SOX6: variants seen among roughly 807,000 people sequenced by gnomAD.
SOX6 encodes the protein transcription factor SOX-6.
A neutral mutation model predicts 97.8 loss-of-function variants in SOX6; 11 were observed. The ratio of observed to expected loss-of-function variants is 0.11; its 90% CI spans 0.07 to 0.19. SOX6 has a LOEUF of 0.19. Ranked by LOEUF, SOX6 falls within the 10% of genes least tolerant of loss-of-function variation. SOX6 has a pLI of 1.00. For synonymous variants in SOX6, 360 were observed against 371.4 expected (o/e 0.97, Z 0.35); for missense variants, 810 against 1,039.5 (o/e 0.78, Z 3.04).
chr11:16,564,168 A>G (rs974753927), intron 4 of SOX6, among the ~76,000 whole-genome samples: 1 of 152,240 alleles, frequency 6.6e-6, no homozygotes, highest in East Asian at 1.9e-4. Flanking sequence ...AGGAAGGAAG[A>G]AAGAATAAGA....
intron 3 of SOX6, among the ~76,000 whole-genome samples, chr11:16,660,711 T>C (rs756460927): frequency 1.3e-5 from 2 of 152,186 alleles, no homozygotes; most frequent in Non-Finnish European, 2.9e-5. Flanking sequence ...AGAGCTCTTA[T>C]AGATGGGATT....
At chr11:16,503,322 T>C (rs1860737375) in intron 4 of SOX6, among the ~76,000 whole-genome samples, 1 of 147,694 alleles carries the variant, frequency 6.8e-6, no homozygotes, top group South Asian at 2.1e-4. Context: ...AGAATTCAAA[T>C]GTTACCACTA....
At chr11:16,443,570 A>ATT (rs894719472) in intron 1 of SOX6, among the ~76,000 whole-genome samples, 7 of 152,140 alleles carry the variant, frequency 4.6e-5, no homozygotes, top group Admixed American at 4.6e-4. Context: ...TTTTAAAAAT[A>ATT]TTTTATTCTA....
At chr11:16,474,909 A>C (rs1565157265) in intron 1 of SOX6, among the ~76,000 whole-genome samples, 1 of 152,174 alleles carries the variant, frequency 6.6e-6, no homozygotes, top group Non-Finnish European at 1.5e-5. Context: ...GGTTTGATGT[A>C]GTCACCTTCA....
At chr11:16,103,170 C>T (rs373558705) in intron 7 of SOX6, among the ~76,000 whole-genome samples, 26 of 150,396 alleles carry the variant, frequency 1.7e-4, no homozygotes, top group African/African-American at 4.9e-4. Context: ...GAACTCAAAT[C>T]GCAAGAAAAA....
rs556227987 is a variant in SOX6 at position 16,158,614 on chromosome 11, A to G, written c.777+25272T>C. Among the ~76,000 whole-genome samples, 658 of 152,124 alleles carry G rather than the reference A, an allele frequency of 4.3e-3. 8 individuals are homozygous for G. The highest frequency in any genetic ancestry group is 0.02 in the Middle Eastern group (6 of 294). ...CACCCAGGCAAAATGAAGAAATTGT[A>G]GGCAAGGCTTCCAGGAGTAATAAAA... On this transcript the variant is annotated intron_variant, in intron 6 of 15. Transcript: ENST00000683767.
intron 3 of SOX6, among the ~76,000 whole-genome samples, chr11:16,295,828 C>G (rs1855065313): frequency 6.6e-6 from 1 of 152,072 alleles, no homozygotes; most frequent in African/African-American, 2.4e-5. Context: ...ATTTCCTACT[C>G]ACTAAGAGTA....
chr11:16,251,390 G>A (rs1853504409), intron 3 of SOX6, among the ~76,000 whole-genome samples: 1 of 151,828 alleles, frequency 6.6e-6, no homozygotes, highest in Admixed American at 6.6e-5. Flanking sequence ...AAGTAATAAA[G>A]AGCAAAAACA....
chr11:16,027,888 C>T (rs2133880703), intron 12 of SOX6, among the ~76,000 whole-genome samples: 1 of 152,360 alleles, frequency 6.6e-6, no homozygotes, highest in South Asian at 2.1e-4. Context: ...ATTTTAAATA[C>T]AGCTACAGTG....
intron 12 of SOX6, among the ~76,000 whole-genome samples, chr11:16,036,798 AAC>A (rs1855531399): frequency 1.3e-5 from 2 of 152,182 alleles, no homozygotes; most frequent in Non-Finnish European, 2.9e-5. Context: ...ACAGTAAAAC[AAC>A]ACAGTGTGTT....
chr11:16,317,069 A>G (rs1855775168), intron 3 of SOX6: 1 of 151,956 alleles, frequency 6.6e-6, no homozygotes, highest in East Asian at 1.9e-4. Flanking sequence ...TTGAAGGAGA[A>G]ACCAACACAC....
At chr11:16,557,455 C>G (rs756394142) in intron 4 of SOX6, among the ~76,000 whole-genome samples, 5 of 151,792 alleles carry the variant, frequency 3.3e-5, no homozygotes, top group Non-Finnish European at 7.4e-5. Flanking sequence ...CTGAAATGTC[C>G]TCCCCGGATA....
chr11:16,708,947 C>T (rs1212521988), intron 3 of SOX6, among the ~76,000 whole-genome samples: 1 of 152,166 alleles, frequency 6.6e-6, no homozygotes, highest in African/African-American at 2.4e-5. Flanking sequence ...AACTTCTAGT[C>T]AGAGAATATC....
intron 1 of SOX6, among the ~76,000 whole-genome samples, chr11:16,458,011 T>C (rs1028891688): frequency 3.9e-5 from 6 of 152,034 alleles, no homozygotes; most frequent in Non-Finnish European, 8.8e-5. Flanking sequence ...ATGATGATAA[T>C]ATATATCATA....
intron 3 of SOX6, among the ~76,000 whole-genome samples, chr11:16,685,725 A>T (rs972053531): frequency 7.9e-5 from 12 of 152,248 alleles, no homozygotes; most frequent in African/African-American, 2.9e-4. Flanking sequence ...GGGTCTGCAG[A>T]ATAGTGGCCT....
At chr11:16,084,957 T>C (rs1848546274) in intron 9 of SOX6, among the ~76,000 whole-genome samples, 1 of 152,162 alleles carries the variant, frequency 6.6e-6, no homozygotes, top group Admixed American at 6.5e-5. Context: ...TCAACACCAT[T>C]GATAAATGAA....
chr11:16,460,216 A>G (rs1464674960), intron 1 of SOX6, among the ~76,000 whole-genome samples: 1 of 152,098 alleles, frequency 6.6e-6, no homozygotes, highest in Non-Finnish European at 1.5e-5. Context: ...TACTATACTT[A>G]GTGGAATAAA....
At chr11:16,603,672 T>A (rs1166954877) in intron 4 of SOX6, among the ~76,000 whole-genome samples, 1 of 151,936 alleles carries the variant, frequency 6.6e-6, no homozygotes, top group East Asian at 1.9e-4. Context: ...CCCCCACGAG[T>A]AGGATGTGAA....
intron 4 of SOX6, among the ~76,000 whole-genome samples, chr11:16,219,051 T>C (rs957874031): frequency 1.3e-5 from 2 of 152,226 alleles, no homozygotes; most frequent in African/African-American, 2.4e-5. Context: ...TTTAAAAACG[T>C]GCTAGGCACT....
Sources: gnomAD v4.1 joint callset for allele counts (sites outside exome capture counted in the v4.1 genomes callset) on GRCh38, gnomAD v4.1.1 for gene constraint, MANE v1.5 for transcripts, NCBI Gene and HGNC (gene_info 2026-07-23, HGNC 2026-07-21) for gene names.